Variants in RFC1 observed in about 807,000 individuals in gnomAD.
RFC1 encodes the protein A1 140 kDa subunit.
A neutral mutation model predicts 137.4 loss-of-function variants in RFC1; 37 were observed. That is an observed-to-expected ratio of 0.27 (90% confidence interval 0.21 to 0.35). The LOEUF (loss-of-function observed/expected upper bound fraction) is 0.35. Ranked by LOEUF, RFC1 falls within the 10% of genes least tolerant of loss-of-function variation. The probability of loss-of-function intolerance (pLI) is 1.00; values close to 1 mark genes in which losing one functional copy is unlikely to be tolerated. For missense variants in RFC1, 1,205 were observed against 1,358.5 expected (o/e 0.89, Z 1.78); for synonymous variants, 429 against 455.7 (o/e 0.94, Z 0.75).
At chr4:39,361,582 A>G (rs1444255049) in intron 1 of RFC1, among the ~76,000 whole-genome samples, 2 of 152,238 alleles carry the variant, frequency 1.3e-5, no homozygotes, top group Admixed American at 6.5e-5. Context: ...AGACATCTAC[A>G]TTGAACAAGA....
chr4:39,324,481 T>C (rs768516688), intron 6 of RFC1, among the ~76,000 whole-genome samples: 5 of 152,236 alleles, frequency 3.3e-5, no homozygotes, highest in African/African-American at 1.2e-4. Flanking sequence ...TGACCTAGGC[T>C]ACTTGTGCTA....
chr4:39,350,161 AAAG>A (rs1249663751), intron 2 of RFC1, among the ~76,000 whole-genome samples: 3 of 145,588 alleles, frequency 2.1e-5, no homozygotes, highest in Admixed American at 7.1e-5. Flanking sequence ...ATTGGTGATA[AAAG>A]AAGAATCAAT....
At chr4:39,298,947 G>GC (rs1738184351) in intron 21 of RFC1, among the ~76,000 whole-genome samples, 1 of 152,114 alleles carries the variant, frequency 6.6e-6, no homozygotes, top group Admixed American at 6.6e-5. Flanking sequence ...TTGGGAACAG[G>GC]CCCCCCAAAA....
chr4:39,360,417 C>T (rs1447872443), intron 1 of RFC1, among the ~76,000 whole-genome samples: 2 of 151,864 alleles, frequency 1.3e-5, no homozygotes, highest in African/African-American at 2.4e-5. Flanking sequence ...GCAAGCAAAT[C>T]GCTTGAACCC....
At chr4:39,309,751 T>G (rs1321118186) in intron 12 of RFC1, among the ~76,000 whole-genome samples, 1 of 152,358 alleles carries the variant, frequency 6.6e-6, no homozygotes, top group South Asian at 2.1e-4. Flanking sequence ...TGCTAATGGT[T>G]GTATACTCTT....
chr4:39,351,111 T>C (rs1030264770), intron 2 of RFC1, among the ~76,000 whole-genome samples: 2 of 151,550 alleles, frequency 1.3e-5, no homozygotes, highest in East Asian at 1.9e-4. Flanking sequence ...ATTAGCTGGG[T>C]GTGGTGGCGG....
chr4:39,301,285 C>T (rs1003120063), intron 19 of RFC1, among the ~76,000 whole-genome samples: 5 of 151,888 alleles, frequency 3.3e-5, no homozygotes, highest in Non-Finnish European at 7.4e-5. Context: ...GGGAGGAAAG[C>T]GGAAAGGAAG....
chr4:39,352,569 G>A (rs1339267716), intron 1 of RFC1, among the ~76,000 whole-genome samples: 1 of 152,146 alleles, frequency 6.6e-6, no homozygotes, highest in African/African-American at 2.4e-5. Flanking sequence ...GTGTGATCTT[G>A]GGCAAGCTAC....
chr4:39,361,120 G>A (rs1477745305), intron 1 of RFC1, among the ~76,000 whole-genome samples: 1 of 152,204 alleles, frequency 6.6e-6, no homozygotes, highest in African/African-American at 2.4e-5. Context: ...CAGGCACGAT[G>A]GCTCACGCCT....
rs1009898030 is a variant in RFC1, at chr4:39,291,509, C to T, written c.3168+130G>A. ...AAATAGTATCTTTGGAAAATATAGG[C>T]CATAAGAAGCAACAAGCATTTGAGG... On this transcript the variant is annotated intron_variant, in intron 23 of 24. Transcript: ENST00000349703. The T allele has an allele frequency of 2.8e-5, 19 of 671,014 alleles. No individual in the cohort carries two copies. The African/African-American group carries it at 2.9e-4, about 10-fold the overall frequency. 41.6% of individuals were successfully genotyped at this position (671,014 alleles called of 1,614,324 possible).
intron 19 of RFC1, among the ~76,000 whole-genome samples, chr4:39,300,911 T>C (rs17335347): frequency 4.3e-4 from 65 of 151,930 alleles, no homozygotes; most frequent in Middle Eastern, 3.4e-3. Flanking sequence ...CTGGCCAACA[T>C]AGTAAAACCT....
intron 23 of RFC1, among the ~76,000 whole-genome samples, chr4:39,291,065 G>A (rs1200618325): frequency 3.9e-5 from 6 of 152,172 alleles, no homozygotes; most frequent in African/African-American, 1.2e-4. Flanking sequence ...AAACTACAGA[G>A]AATATGTCTT....
chr4:39,341,170 T>C (rs1025172002), intron 4 of RFC1, among the ~76,000 whole-genome samples: 4 of 152,230 alleles, frequency 2.6e-5, no homozygotes, highest in Non-Finnish European at 5.9e-5. Context: ...GATCCACAGT[T>C]GAAGGCCATG....
At chr4:39,320,248 C>T in intron 9 of RFC1, 135 bp downstream of exon 9, 1 of 687,850 alleles carries the variant, frequency 1.5e-6, no homozygotes, top group South Asian at 2.4e-5. Flanking sequence ...ACTTGGGAGG[C>T]TGAGGCAGGT....
chr4:39,295,570 A>T, intron 22 of RFC1, 44 bp downstream of exon 22: 1 of 1,538,762 alleles, frequency 6.5e-7, no homozygotes. Flanking sequence ...AAGGCCAAAT[A>T]CACCAAATCG....
At chr4:39,322,339 T>C (rs953690577) in intron 7 of RFC1, 4 of 151,742 alleles carry the variant, frequency 2.6e-5, no homozygotes, top group African/African-American at 7.3e-5. Context: ...GCCCAAGAAG[T>C]CAAGGTTGCA....
At chr4:39,310,850 G>GT (rs17335132) in intron 12 of RFC1, among the ~76,000 whole-genome samples, 3,078 of 152,216 alleles carry the variant, frequency 0.02, 48 homozygotes, top group Non-Finnish European at 0.033. Context: ...TAAAGTCAAC[G>GT]TGAGAATATG....
rs752950285 is a variant in RFC1 at position 39,320,399 on chromosome 4, GAAC to G, written c.1076_1078del (p.Ser359_Ser360delinsThr). 6.5e-7 allele frequency: 1 copy of G among 1,529,276 alleles called. No individual in the cohort carries two copies. Among genetic ancestry groups the G allele is most frequent in the Admixed American group, 2.3e-5 (1 of 43,118 alleles). 94.7% of individuals were successfully genotyped at this position (1,529,276 alleles called of 1,614,324 possible). Reference sequence around the variant, plus strand: ...AGTTCTTACCTCTTTTTTAGCTGGAGAACTTTTGGTTTTCTTAGGAGTTTTTGT... The same window carrying G: ...AGTTCTTACCTCTTTTTTAGCTGGAGTTTTGGTTTTCTTAGGAGTTTTTGT... On this transcript the variant is annotated inframe_deletion, in exon 9 of 25. Coordinates refer to ENST00000349703, the MANE Select transcript of RFC1 (RefSeq NM_002913.5).
intron 20 of RFC1, 49 bp from the exon 21 acceptor site, chr4:39,300,187 C>G (rs1452735758): frequency 6.2e-7 from 1 of 1,609,366 alleles, no homozygotes; most frequent in African/African-American, 1.3e-5. Context: ...CACCCCAGGT[C>G]CCTTCTTCAC....
Sources: allele counts gnomAD v4.1 joint callset (sites outside exome capture counted in the v4.1 genomes callset), GRCh38; gene constraint gnomAD v4.1.1; transcripts MANE v1.5; gene names NCBI Gene and HGNC (gene_info 2026-07-23, HGNC 2026-07-21).